F5: variants seen among roughly 807,000 people sequenced by gnomAD.
F5 encodes the protein coagulation factor V.
F5 carries 138 observed loss-of-function variants against 216.4 expected under a neutral mutation model. The ratio of observed to expected loss-of-function variants is 0.64; its 90% CI spans 0.56 to 0.73. The LOEUF is 0.73. Among genes scored for constraint, F5 ranks in the 30% least tolerant of loss-of-function variants. F5 has a pLI of 0.00. For missense variants in F5, 2,403 were observed against 2,674.0 expected (o/e 0.90, Z 2.24); for synonymous variants, 916 against 930.7 (o/e 0.98, Z 0.29).
At chr1:169,579,342 T>C (rs182083945) in intron 2 of F5, among the ~76,000 whole-genome samples, 9 of 152,322 alleles carry the variant, frequency 5.9e-5, no homozygotes, top group Non-Finnish European at 8.8e-5. Context: ...CCTTGGACTT[T>C]GCTGCTACTT....
intron 6 of F5, 141 bp downstream of exon 6, chr1:169,556,505 A>G: frequency 1.3e-6 from 1 of 763,404 alleles, no homozygotes; most frequent in Admixed American, 2.1e-5. Flanking sequence ...AGAGCAAAAT[A>G]TCTAAGTTTG....
rs533224248 is a variant in F5, at chr1:169,512,918, T to C, written c.*1395A>G. Among the ~76,000 whole-genome samples the C allele has an allele frequency of 3.9e-5, 6 of 152,210 alleles. No individual in the cohort carries two copies. The highest frequency in any genetic ancestry group is 1.4e-4 in the African/African-American group (6 of 41,566). On this transcript the variant is annotated 3_prime_UTR_variant, in exon 25 of 25. Coordinates refer to ENST00000367797, the MANE Select transcript of F5 (RefSeq NM_000130.5). ...TAATTTGTGTTCACAACGAATAGAA[T>C]GCAGCAAAAGCAAAGCCCTGTCTCC...
In F5 at chr1:169,544,461, A is replaced by C. The variant is rs1361894720; in HGVS notation, c.1810T>G (p.Phe604Val). The change falls in exon 12 of 25, where the codon TTT (phenylalanine) becomes GTT (valine). Residue 604 changes from phenylalanine to valine, a missense_variant. Physicochemically the swap from Phe to Val is conservative, Grantham distance 50. Around this residue, in one of 4 missense-constraint regions of F5, gnomAD observed 1,425 missense variants for 1,554.8 expected, o/e 0.92. Coordinates refer to ENST00000367797, the MANE Select transcript of F5 (RefSeq NM_000130.5). ...PESITTLGFC[F>V]DDTVQWHFCS... is the part of the protein sequence containing the mutation. ...AAGTGCCACTGGACAGTGTCATCAA[A>C]GCAGAATCCAAGAGTAGTTATGCTC... 5.0e-6 allele frequency: 8 copies of C among 1,614,054 alleles called. No homozygotes were observed. The highest frequency in any genetic ancestry group is 6.8e-6 in the Non-Finnish European group (8 of 1,180,028).
At chr1:169,516,138 C>T (rs982550035) in intron 23 of F5, among the ~76,000 whole-genome samples, 17 of 152,152 alleles carry the variant, frequency 1.1e-4, no homozygotes, top group Non-Finnish European at 2.9e-5. Flanking sequence ...CACAACTTCT[C>T]TTTCCCCCTG....
intron 24 of F5, among the ~76,000 whole-genome samples, chr1:169,515,034 G>A (rs1224970291): frequency 1.3e-5 from 2 of 152,068 alleles, no homozygotes; most frequent in Non-Finnish European, 2.9e-5. Context: ...GCCAGGAAGT[G>A]GCCACCAATA....
At chr1:169,555,030 A>T in intron 7 of F5, 152 bp downstream of exon 7, 1 of 817,254 alleles carries the variant, frequency 1.2e-6, no homozygotes, top group Non-Finnish European at 2.0e-6. Context: ...ATTTGGGGGT[A>T]ATTCAAGATT....
chr1:169,565,368 G>A (rs756413880), intron 3 of F5, among the ~76,000 whole-genome samples: 1 of 152,042 alleles, frequency 6.6e-6, no homozygotes. Flanking sequence ...AAAAGTGCTG[G>A]ATTGTATTTG....
chr1:169,581,822 AT>A (rs1660992721), intron 2 of F5, among the ~76,000 whole-genome samples: 1 of 142,758 alleles, frequency 7.0e-6, no homozygotes, highest in Non-Finnish European at 1.6e-5. Context: ...GCTATTGTAT[AT>A]ATCACACTAA....
At chr1:169,518,997 A>G (rs930128252) in intron 22 of F5, among the ~76,000 whole-genome samples, 1 of 152,252 alleles carries the variant, frequency 6.6e-6, no homozygotes, top group African/African-American at 2.4e-5. Flanking sequence ...CCAAGAAGAT[A>G]CAATGGACCC....
intron 13 of F5, among the ~76,000 whole-genome samples, chr1:169,539,502 A>G (rs1659782119): frequency 6.6e-6 from 1 of 151,854 alleles, no homozygotes; most frequent in Non-Finnish European, 1.5e-5. Context: ...CAACATTTAA[A>G]TAGGAAGTCA....
In F5 at chr1:169,540,577, T is replaced by C. The variant is rs1445225018; in HGVS notation, c.4513A>G (p.Lys1505Glu). The change falls in exon 13 of 25, where the codon AAG becomes GAG. Residue 1505 changes from lysine (K) to glutamate (E), a missense_variant. By Grantham distance (56) the Lys-to-Glu change is moderately conservative (BLOSUM62 1). This residue lies in a region of F5 where 293 missense variants were observed against 270.8 expected (regional missense o/e 1.08). Coordinates refer to ENST00000367797, the MANE Select transcript of F5 (RefSeq NM_000130.5). ...SPTLNDTFLS[K>E]EFNPLVIVGL... ...ACTATAACCAGTGGATTAAATTCCT[T>C]TGATAGAAAAGTATCATTGAGAGTA... 5.6e-6 allele frequency: 9 copies of C among 1,613,920 alleles called. No individual in the cohort carries two copies. The highest frequency in any genetic ancestry group is 5.5e-5 in the South Asian group (5 of 91,088).
At chr1:169,552,863 G>C in intron 7 of F5, 129 bp from the exon 8 acceptor site, 1 of 713,374 alleles carries the variant, frequency 1.4e-6, no homozygotes, top group Non-Finnish European at 2.3e-6. Context: ...AAATTTCTTA[G>C]TGTAGTTTGC....
intron 1 of F5, among the ~76,000 whole-genome samples, chr1:169,584,286 T>C (rs1302117476): frequency 3.3e-5 from 5 of 152,230 alleles, no homozygotes; most frequent in Non-Finnish European, 7.3e-5. Flanking sequence ...ATCTATCTGA[T>C]TAAAAAGTTA....
intron 23 of F5, among the ~76,000 whole-genome samples, chr1:169,517,023 A>G (rs1477362462): frequency 1.3e-5 from 2 of 152,310 alleles, no homozygotes; most frequent in Middle Eastern, 3.4e-3. Flanking sequence ...AAAGAATTGG[A>G]TAACATCTCT....
In F5 at chr1:169,529,811, T is replaced by C. The variant is rs757244704; in HGVS notation, c.5216A>G (p.Asp1739Gly). ...GGGACCTATCAAGCCTGAGTGAATA[T>C]CTTTTTCCTGGAAAAACAGAGTAAA... ...AYYSAVNPEK[D>G]IHSGLIGPLL... The change falls in exon 16 of 25, where the codon GAT (aspartate) becomes GGT (glycine). Residue 1739 changes from aspartate to glycine, a missense_variant. Physicochemically the swap from Asp to Gly is moderately conservative, Grantham distance 94. Coordinates refer to ENST00000367797, the MANE Select transcript of F5 (RefSeq NM_000130.5). 3 of 1,613,148 alleles carry C rather than the reference T, an allele frequency of 1.9e-6. No individual in the cohort carries two copies. The highest frequency in any genetic ancestry group is 2.5e-6 in the Non-Finnish European group (3 of 1,179,476).
In F5 at chr1:169,520,643, C is replaced by T; in HGVS notation, c.6070G>A (p.Ala2024Thr). 1 of 1,613,638 alleles carries T rather than the reference C, an allele frequency of 6.2e-7. No individual in the cohort carries two copies. Among genetic ancestry groups the T allele is most frequent in the Non-Finnish European group, 8.5e-7 (1 of 1,179,712 alleles). Residue 2024 changes from alanine (A) to threonine (T), a missense_variant, in exon 22 of 25, where the codon GCC becomes ACC. Around this residue, in one of 4 missense-constraint regions of F5, gnomAD observed 659 missense variants for 787.9 expected, o/e 0.84. Transcript: ENST00000367797. ...NVMYFNGNSD[A>T]STIKENQFDP... ...AACTGATTCTCTTTTATTGTAGAGG[C>T]ATCTGAATTGCCATTAAAATACTAG...
chr1:169,586,107 G>T, intron 1 of F5, 122 bp downstream of exon 1: 1 of 1,085,276 alleles, frequency 9.2e-7, no homozygotes, highest in Non-Finnish European at 1.3e-6. Context: ...TCTCCTATTA[G>T]TTATATTTAC....
rs529876197 is a variant in F5 at position 169,535,685 on chromosome 1, T to C, written c.4971+821A>G. Among the ~76,000 whole-genome samples the C allele has an allele frequency of 2.6e-5, 4 of 152,312 alleles. No homozygotes were observed. In the South Asian group the frequency reaches 8.3e-4, roughly 32 times the overall value. On this transcript the variant is annotated intron_variant, in intron 14 of 24. Transcript: ENST00000367797. ...TAAGTTTTTTAAATATTGTGTTAAA[T>C]TATCGTTCATCTTGAAAAAGGATCC...
In F5 at chr1:169,556,770, C is replaced by T. The variant is rs1445433470; in HGVS notation, c.828G>A (p.Leu276=). ...CTGAGACCTTATGATGGTTCTGCTC[C>T]AGGACCTGGCCGTTGAAATGAATGG... The part of the protein sequence containing the change: ...LFSIHFNGQV[L]EQNHHKVSAI... The change falls in exon 6 of 25, where the codon CTG becomes CTA. Residue 276 remains leucine (L), a synonymous_variant. Coordinates refer to ENST00000367797, the MANE Select transcript of F5 (RefSeq NM_000130.5). The T allele has an allele frequency of 6.2e-7, 1 of 1,614,092 alleles. No individual in the cohort carries two copies. Among genetic ancestry groups the T allele is most frequent in the East Asian group, 2.2e-5 (1 of 44,874 alleles).
Sources: allele counts gnomAD v4.1 joint callset (sites outside exome capture counted in the v4.1 genomes callset), GRCh38; gene constraint gnomAD v4.1.1; regional missense constraint gnomAD v4.1.1; transcripts MANE v1.5; gene names NCBI Gene and HGNC (gene_info 2026-07-23, HGNC 2026-07-21).